DDX60: variants seen among roughly 807,000 people sequenced by gnomAD.
DDX60 encodes DExD/H-box helicase 60, also known as probable ATP-dependent RNA helicase DDX60.
In DDX60, 165 loss-of-function variants were observed where a neutral mutation model predicts 212.8. The ratio of observed to expected loss-of-function variants is 0.78; its 90% confidence interval spans 0.68 to 0.88. DDX60 has a LOEUF of 0.88. DDX60 is among the 40% of genes least tolerant of loss of function. DDX60 has a pLI of 0.00. For missense variants in DDX60, 1,905 were observed against 2,003.9 expected, an observed-to-expected ratio of 0.95 and a Z score of 0.94; for synonymous variants, 703 against 685.3, an observed-to-expected ratio of 1.03 and a Z score of -0.40.
At chr4:168,324,587 A>G in the DDX60 span, among the ~76,000 whole-genome samples, 51 of 152,324 alleles carry the variant, frequency 3.3e-4, 4 homozygotes, top group East Asian at 9.7e-3. Context: ...TTGCCTCCAG[A>G]ACCCAAAAGG....
At chr4:168,286,800 T>G (rs1046807802) in intron 10 of DDX60, among the ~76,000 whole-genome samples, 2 of 152,170 alleles carry the variant, frequency 1.3e-5, no homozygotes, top group African/African-American at 4.8e-5. Context: ...TTGCTGGAAA[T>G]GGAAGTCATA....
chr4:168,301,667 G>A (rs1266659475), intron 6 of DDX60, among the ~76,000 whole-genome samples: 2 of 152,050 alleles, frequency 1.3e-5, no homozygotes, highest in Non-Finnish European at 2.9e-5. Context: ...GTCACCATTA[G>A]GCAAAAACAT....
chr4:168,236,060 C>A, intron 33 of DDX60, 192 bp downstream of exon 33: 2 of 469,452 alleles, frequency 4.3e-6, no homozygotes, highest in South Asian at 4.0e-5. Context: ...AAGACTTTAA[C>A]TTTTTGGTAG....
At chr4:168,302,609 T>C (rs192199532) in intron 5 of DDX60, among the ~76,000 whole-genome samples, 193 bp from the exon 6 acceptor site, 1 of 152,222 alleles carries the variant, frequency 6.6e-6, no homozygotes, top group Non-Finnish European at 1.5e-5. Context: ...AATTTTTGCC[T>C]AGGAATATAG....
At position 168,308,169 on chromosome 4, in the gene DDX60, A is replaced by G. The variant is rs758568871; in HGVS notation, c.101T>C (p.Val34Ala). Residue 34 changes from valine to alanine, a missense_variant, in exon 4 of 38, where the codon GTT becomes GCT. Val to Ala is a moderately conservative substitution (Grantham distance 64). Coordinates refer to ENST00000393743, the MANE Select transcript of DDX60 (RefSeq NM_017631.6). ...AEYSSLFNDF[V>A]ESEFFLIDGD... ...ATCAATCAAAAAAAATTCAGATTCAACAAAATCATTGAATAAACTGGAATA... is the reference window on the plus strand; with the variant it reads ...ATCAATCAAAAAAAATTCAGATTCAGCAAAATCATTGAATAAACTGGAATA... The G allele has an allele frequency of 6.3e-7, 1 of 1,577,118 alleles. No individual in the cohort carries two copies. The highest frequency in any genetic ancestry group is 1.2e-5 in the South Asian group (1 of 85,996).
chr4:168,236,098 A>G, intron 33 of DDX60, 154 bp downstream of exon 33: 1 of 642,274 alleles, frequency 1.6e-6, no homozygotes, highest in Non-Finnish European at 2.4e-6. Context: ...TCAATTACAG[A>G]TTAAATATCA....
At chr4:168,240,521 T>A (rs1196678917) in intron 30 of DDX60, among the ~76,000 whole-genome samples, 2 of 151,954 alleles carry the variant, frequency 1.3e-5, no homozygotes, top group Non-Finnish European at 1.5e-5. Flanking sequence ...GCCAAGACAA[T>A]CCTAAGCAAA....
intron 26 of DDX60, among the ~76,000 whole-genome samples, chr4:168,253,459 A>C (rs917871249): frequency 1.3e-5 from 2 of 152,042 alleles, no homozygotes; most frequent in Non-Finnish European, 2.9e-5. Context: ...TTCCCTGGAC[A>C]ATTGCCCTAA....
intron 28 of DDX60, among the ~76,000 whole-genome samples, chr4:168,248,829 G>A (rs189526931): frequency 6.6e-6 from 1 of 150,710 alleles, no homozygotes; most frequent in Admixed American, 6.6e-5. Flanking sequence ...GCACGATCTC[G>A]GCTCACTGCA....
intron 1 of DDX60, among the ~76,000 whole-genome samples, chr4:168,317,310 G>A (rs1025889810): frequency 1.1e-4 from 16 of 151,876 alleles, no homozygotes; most frequent in African/African-American, 3.1e-4. Flanking sequence ...GAAAGAAATT[G>A]CAAGAACCTT....
In DDX60 at chr4:168,282,617, T is replaced by C. The variant is rs568150826; in HGVS notation, c.1722+829A>G. ...TAAAACCTTTCATCTTGAGAGAAAC[T>C]TTTTTGTGAAAATTAATGCCATTTC... On this transcript the variant is annotated intron_variant, in intron 13 of 37. Transcript: ENST00000393743. 2.6e-4 allele frequency among the ~76,000 whole-genome samples: 39 copies of C among 152,270 alleles called. 1 individual carries two copies. Among genetic ancestry groups the C allele is most frequent in the Admixed American group, 5.9e-4 (9 of 15,292 alleles).
intron 23 of DDX60, 145 bp downstream of exon 23, chr4:168,262,538 G>T: frequency 1.7e-6 from 1 of 578,854 alleles, no homozygotes; most frequent in Non-Finnish European, 3.1e-6. Context: ...AACAGATAAT[G>T]TTAGAAATAT....
chr4:168,269,327 G>A (rs552963808), intron 19 of DDX60, among the ~76,000 whole-genome samples: 262 of 152,196 alleles, frequency 1.7e-3, no homozygotes, highest in Non-Finnish European at 3.0e-3. Flanking sequence ...GGCCGGGCAC[G>A]GTGGCTCACG....
chr4:168,283,397 T>C (rs1735678250), intron 13 of DDX60, 49 bp downstream of exon 13: 16 of 1,570,534 alleles, frequency 1.0e-5, no homozygotes, highest in East Asian at 2.2e-5. Context: ...ATCAACCTGA[T>C]AAAAGAAAAG....
At chr4:168,261,120 A>G in intron 24 of DDX60, 131 bp from the exon 25 acceptor site, 1 of 948,644 alleles carries the variant, frequency 1.1e-6, no homozygotes, top group South Asian at 1.7e-5. Flanking sequence ...CTATGAAAGT[A>G]CATTATAAAA....
At chr4:168,325,894 G>A in the DDX60 span, among the ~76,000 whole-genome samples, 15 of 152,162 alleles carry the variant, frequency 9.9e-5, no homozygotes, top group African/African-American at 3.6e-4. Flanking sequence ...GTTTTCCCAG[G>A]GAGTGACAGC....
At chr4:168,272,232 G>T in intron 18 of DDX60, 94 bp from the exon 19 acceptor site, 1 of 921,742 alleles carries the variant, frequency 1.1e-6, no homozygotes, top group Non-Finnish European at 1.7e-6. Flanking sequence ...TATGAGTCCT[G>T]AATGTACCTG....
chr4:168,217,836 G>A (rs538637669), intron 37 of DDX60, among the ~76,000 whole-genome samples: 4 of 152,234 alleles, frequency 2.6e-5, no homozygotes, highest in Admixed American at 2.6e-4. Context: ...TGTCCCTTAA[G>A]AGCCTTTACA....
At chr4:168,297,366 GAAAGAAAGAA>G (rs1736432668) in intron 6 of DDX60, among the ~76,000 whole-genome samples, 1 of 54,112 alleles carries the variant, frequency 1.8e-5, no homozygotes. Context: ...AAGAAAGAAA[GAAAGAAAGAA>G]AGAAAGAGAA....
Sources: gnomAD v4.1 joint callset for allele counts (sites outside exome capture counted in the v4.1 genomes callset) on GRCh38, gnomAD v4.1.1 for gene constraint, MANE v1.5 for transcripts, NCBI Gene and HGNC (gene_info 2026-07-23, HGNC 2026-07-21) for gene names.